SP100: variants seen among roughly 807,000 people sequenced by gnomAD.
SP100 encodes nuclear autoantigen Sp-100.
Under a neutral mutation model 130.0 loss-of-function variants are expected in SP100, and 84 were observed. The observed-to-expected ratio is 0.65, with a 90% CI of 0.54 to 0.77. The LOEUF is 0.77. Among genes scored for constraint, SP100 ranks in the 30% least tolerant of loss-of-function variants. The pLI, the probability that SP100 is intolerant of heterozygous loss-of-function variation, is 0.00. For synonymous variants in SP100, 331 were observed against 351.7 expected (o/e 0.94, Z 0.66); for missense variants, 978 against 1,052.2 (o/e 0.93, Z 0.97).
In SP100 at chr2:230,446,807, C is replaced by T. The variant is rs111308367; in HGVS notation, c.440-12C>T. 3 of 1,558,746 alleles carry T rather than the reference C, an allele frequency of 1.9e-6. No homozygotes were observed. Among genetic ancestry groups the T allele is most frequent in the African/African-American group, 1.4e-5 (1 of 73,752 alleles). On this transcript the variant is annotated splice_polypyrimidine_tract_variant and intron_variant, in intron 4 of 28. Coordinates refer to ENST00000340126, the MANE Select transcript of SP100 (RefSeq NM_001080391.2). ...AGATCTCTAATTGCTTCTTCTCTCT[C>T]CCACTCTTCAGTAATCCATGACAAA...
chr2:230,441,766 A>C (rs930962484), intron 2 of SP100, among the ~76,000 whole-genome samples: 1 of 152,156 alleles, frequency 6.6e-6, no homozygotes, highest in Non-Finnish European at 1.5e-5. Context: ...CAGGGCACAC[A>C]CTGTTCTGTT....
At chr2:230,435,770 T>G (rs756385178) in intron 2 of SP100, among the ~76,000 whole-genome samples, 3 of 151,720 alleles carry the variant, frequency 2.0e-5, no homozygotes, top group Non-Finnish European at 4.4e-5. Flanking sequence ...CCTGTGTCCA[T>G]GTGTTCTCAT....
intron 24 of SP100, 118 bp from the exon 25 acceptor site, chr2:230,539,149 A>C (rs1692066089): frequency 1.6e-6 from 1 of 644,778 alleles, no homozygotes; most frequent in African/African-American, 1.8e-5. Context: ...CCACTCAGCA[A>C]TCTTTAATAT....
intron 11 of SP100, 100 bp from the exon 12 acceptor site, chr2:230,466,201 A>AAAAAAAAC (rs35220862): frequency 2.9e-4 from 169 of 575,676 alleles, no homozygotes; most frequent in East Asian, 7.7e-4. Context: ...AAAAAAAAAA[A>AAAAAAAAC]AACTTTGTTA....
chr2:230,470,288 A>C (rs2065201757), intron 15 of SP100, 190 bp downstream of exon 15: 2 of 1,319,114 alleles, frequency 1.5e-6, no homozygotes, highest in East Asian at 3.1e-5. Flanking sequence ...GTTTAACAGA[A>C]AGAGTTTCAC....
intron 24 of SP100, among the ~76,000 whole-genome samples, chr2:230,533,300 C>T (rs1691789447): frequency 6.6e-6 from 1 of 152,138 alleles, no homozygotes; most frequent in Non-Finnish European, 1.5e-5. Context: ...CCATTTTTTA[C>T]ACTTTTAGTC....
intron 8 of SP100, among the ~76,000 whole-genome samples, chr2:230,453,209 A>G (rs920453375): frequency 6.6e-6 from 1 of 152,112 alleles, no homozygotes; most frequent in African/African-American, 2.4e-5. Context: ...TCCTTATAAA[A>G]CCATCAGATC....
chr2:230,426,132 G>C (rs1559481225), intron 2 of SP100, among the ~76,000 whole-genome samples: 1 of 151,982 alleles, frequency 6.6e-6, no homozygotes, highest in Non-Finnish European at 1.5e-5. Flanking sequence ...TTTGAGACTT[G>C]TCTCTTTTTT....
At chr2:230,452,130 T>A (rs2064015774) in intron 8 of SP100, among the ~76,000 whole-genome samples, 1 of 152,158 alleles carries the variant, frequency 6.6e-6, no homozygotes, top group Non-Finnish European at 1.5e-5. Context: ...CTTTTGTGCC[T>A]CCACACAAAT....
In SP100 at chr2:230,515,378, G is replaced by T. The variant is rs368346854; in HGVS notation, c.2094+4212G>T. ...CCAAAAATCAAAGGAGAACATCCTGGCCTGTCCATTGATGATGTTGTGAAG... is the reference window on the plus strand; with the variant it reads ...CCAAAAATCAAAGGAGAACATCCTGTCCTGTCCATTGATGATGTTGTGAAG... On this transcript the variant is annotated intron_variant, in intron 24 of 28. Coordinates refer to ENST00000340126, the MANE Select transcript of SP100 (RefSeq NM_001080391.2). The T allele has an allele frequency of 8.7e-6, 14 of 1,613,778 alleles. No individual in the cohort carries two copies. In the African/African-American group the frequency reaches 1.5e-4, roughly 17 times the overall value.
intron 14 of SP100, chr2:230,469,780 T>TAAA: frequency 1.8e-6 from 2 of 1,129,712 alleles, no homozygotes; most frequent in African/African-American, 1.7e-5. Flanking sequence ...TTCCCAAAGT[T>TAAA]AAAAAAAAAA....
At position 230,464,150 on chromosome 2, in the gene SP100, G is replaced by C. The variant is rs759841986; in HGVS notation, c.1141G>C (p.Glu381Gln). The change falls in exon 11 of 29, where the codon GAG becomes CAG. Residue 381 changes from glutamate (E) to glutamine (Q), a missense_variant and splice_region_variant. Physicochemically the swap from Glu to Gln is conservative, Grantham distance 29. Transcript: ENST00000340126. The part of the protein sequence containing the change: ...ATCSRPQIVP[E>Q]PMDFRKLSTF... Reference sequence around the variant, plus strand: ...TTGCTCACGACCCCAGATTGTACCAGGTAAGAATATTAGAGTTGCAACCCG... The same window carrying C: ...TTGCTCACGACCCCAGATTGTACCACGTAAGAATATTAGAGTTGCAACCCG... 24 of 1,593,202 alleles carry C rather than the reference G, an allele frequency of 1.5e-5. No individual in the cohort carries two copies. Among genetic ancestry groups the C allele is most frequent in the Non-Finnish European group, 1.9e-5 (22 of 1,161,162 alleles).
chr2:230,537,458 T>C (rs866168757), intron 24 of SP100, among the ~76,000 whole-genome samples: 1 of 152,194 alleles, frequency 6.6e-6, no homozygotes, highest in Non-Finnish European at 1.5e-5. Flanking sequence ...TCTGCATAAC[T>C]TGTTTGATGA....
intron 24 of SP100, among the ~76,000 whole-genome samples, chr2:230,517,829 A>G (rs1164164690): frequency 6.6e-6 from 1 of 151,992 alleles, no homozygotes; most frequent in Non-Finnish European, 1.5e-5. Context: ...TTTTAATTTT[A>G]TTAAAAGCAA....
At chr2:230,448,355 C>T (rs1033299058) in intron 5 of SP100, among the ~76,000 whole-genome samples, 3 of 152,174 alleles carry the variant, frequency 2.0e-5, no homozygotes, top group South Asian at 4.2e-4. Context: ...TACTCTGTGG[C>T]GGTTGGTTTA....
chr2:230,497,226 T>A (rs548711371), intron 18 of SP100, among the ~76,000 whole-genome samples: 1 of 152,068 alleles, frequency 6.6e-6, no homozygotes, highest in South Asian at 2.1e-4. Context: ...ACTAAACTAC[T>A]TGTATACCTC....
In SP100 at chr2:230,542,879, T is replaced by C; in HGVS notation, c.2591T>C (p.Phe864Ser). 1 of 1,612,798 alleles carries C rather than the reference T, an allele frequency of 6.2e-7. No individual in the cohort carries two copies. The highest frequency in any genetic ancestry group is 1.3e-5 in the African/African-American group (1 of 75,024). ...CTGGGAATTCAAGTACAGGACATCT[T>C]TGAGAAGAATTTCAGAAACATTTTT... ...TRLGIQVQDI[F>S]EKNFRNIFAI... The change falls in exon 29 of 29, where the codon TTT (phenylalanine) becomes TCT (serine). Residue 864 changes from phenylalanine to serine, a missense_variant. Transcript: ENST00000340126.
intron 13 of SP100, chr2:230,468,820 A>AAG (rs761679593): frequency 5.5e-3 from 686 of 124,490 alleles, no homozygotes; most frequent in East Asian, 0.013. Context: ...CCTGTCTCAA[A>AAG]AAAAAAAAAA....
intron 2 of SP100, among the ~76,000 whole-genome samples, chr2:230,429,481 G>A (rs766792081): frequency 3.9e-5 from 6 of 152,070 alleles, no homozygotes; most frequent in Non-Finnish European, 7.4e-5. Flanking sequence ...AGTGAATCTA[G>A]ATGTTCATTT....
Sources: gnomAD v4.1 joint callset for allele counts (sites outside exome capture counted in the v4.1 genomes callset) on GRCh38, gnomAD v4.1.1 for gene constraint, MANE v1.5 for transcripts, NCBI Gene and HGNC (gene_info 2026-07-23, HGNC 2026-07-21) for gene names.